Variants in PRSS53 observed in about 807,000 individuals in gnomAD.
The protein encoded by PRSS53 is EDTP308.
PRSS53 carries 54 observed loss-of-function variants against 62.7 expected under a neutral mutation model. The observed-to-expected ratio is 0.86, with a 90% CI of 0.69 to 1.08. The LOEUF is 1.08. Among genes scored for constraint, PRSS53 ranks in the 50% least tolerant of loss-of-function variants. PRSS53 has a pLI of 0.00. For synonymous variants in PRSS53, 273 were observed against 300.0 expected (o/e 0.91, Z 0.93); for missense variants, 688 against 728.3 (o/e 0.94, Z 0.64).
intron 1 of PRSS53, 148 bp from the exon 2 acceptor site, chr16:31,087,974 T>C (rs1192887499): frequency 1.2e-5 from 19 of 1,533,984 alleles, no homozygotes; most frequent in Non-Finnish European, 1.6e-5. Context: ...AAAATATTTA[T>C]ATGAGGCCGA....
chr16:31,084,150 C>T (rs1468339733), exon 10 of PRSS53: 1 of 1,593,264 alleles, frequency 6.3e-7, no homozygotes, highest in Non-Finnish European at 8.5e-7. Flanking sequence ...CAGGCTCAGC[C>T]TCGGGCTCTG....
chr16:31,085,755 C>G (rs746112642), intron 6 of PRSS53, among the ~76,000 whole-genome samples: 2 of 152,196 alleles, frequency 1.3e-5, no homozygotes, highest in African/African-American at 2.4e-5. Flanking sequence ...AGTCAGGTCT[C>G]AGAGATTCCT....
At chr16:31,087,257 A>G in intron 3 of PRSS53, 1 of 548,550 alleles carries the variant, frequency 1.8e-6, no homozygotes, top group Non-Finnish European at 3.2e-6. Context: ...GTGGCCTCCC[A>G]AAGGGCTGGG....
intron 3 of PRSS53, 156 bp from the exon 4 acceptor site, chr16:31,087,054 T>A: frequency 1.4e-6 from 1 of 739,994 alleles, no homozygotes; most frequent in Non-Finnish European, 2.1e-6. Context: ...TGCAGTGCAG[T>A]GGCATGACCA....
In PRSS53 at chr16:31,084,925, C is replaced by CT. The variant is rs766507982; in HGVS notation, c.1133dup (p.Tyr381LeufsTer27). ...GCAGGAGGGCCATGTCGTAGCCCCC[C>CT]TCAGGGTGGGTGTAGGCTCCATGCA... On this transcript the variant is annotated frameshift_variant, in exon 8 of 11. Transcript: ENST00000280606. LOFTEE classifies it high-confidence loss of function. The CT allele has an allele frequency of 4.1e-5, 63 of 1,544,466 alleles. No homozygotes were observed. Among genetic ancestry groups the CT allele is most frequent in the Non-Finnish European group, 5.3e-5 (61 of 1,143,578 alleles).
At chr16:31,083,512 A>G (rs2057192925) in exon 11 of PRSS53, 3 of 1,342,250 alleles carry the variant, frequency 2.2e-6, no homozygotes, top group Non-Finnish European at 1.9e-6. Flanking sequence ...TTTCAAAACA[A>G]CGTGGCTGGC....
At chr16:31,087,970 T>C (rs1016798348) in intron 1 of PRSS53, 144 bp from the exon 2 acceptor site, 5 of 1,537,944 alleles carry the variant, frequency 3.3e-6, no homozygotes, top group Admixed American at 4.0e-5. Context: ...AATGAAAATA[T>C]TTATATGAGG....
At chr16:31,087,815 C>G in exon 2 of PRSS53, 1 of 1,613,960 alleles carries the variant, frequency 6.2e-7, no homozygotes, top group Non-Finnish European at 8.5e-7. Context: ...CCACGCTGAG[C>G]GGCTTGAAGA....
exon 9 of PRSS53, chr16:31,084,594 C>T (rs772718387): frequency 6.2e-7 from 1 of 1,607,056 alleles, no homozygotes; most frequent in East Asian, 2.2e-5. Flanking sequence ...CACTGGTACA[C>T]ACCATCCCCG....
rs772183928 is a variant in PRSS53 at position 31,084,211 on chromosome 16, TAGGC to T, written c.1546_1549del (p.Ala516MetfsTer31). 4 of 1,611,442 alleles carry T rather than the reference TAGGC, an allele frequency of 2.5e-6. No individual in the cohort carries two copies. The highest frequency in any genetic ancestry group is 1.7e-5 in the Admixed American group (1 of 59,770). Reference sequence around the variant, plus strand: ...GTCCAAACTGCTGACCCAGTCCTCATAGGCAGGGAGCGCGGTGAAGACCGCCGGC... The same window carrying T: ...GTCCAAACTGCTGACCCAGTCCTCATAGGGAGCGCGGTGAAGACCGCCGGC... On this transcript the variant is annotated frameshift_variant, in exon 10 of 11. Coordinates refer to ENST00000280606, the Ensembl canonical transcript of PRSS53. LOFTEE classifies it high-confidence loss of function.
At position 31,083,764 on chromosome 16, in the gene PRSS53, T is replaced by C. The variant is rs1190227273; in HGVS notation, c.*26A>G. The C allele has an allele frequency of 3.1e-6, 5 of 1,614,056 alleles. No individual in the cohort carries two copies. In the East Asian group the frequency reaches 8.9e-5, roughly 29 times the overall value. ...TGCCATTTGCCTGCCTGCATTCTCT[T>C]GTCCTGAGAATGGCCAGGTCCCCTG... On this transcript the variant is annotated 3_prime_UTR_variant, in exon 11 of 11. Coordinates refer to ENST00000280606, the Ensembl canonical transcript of PRSS53.
exon 8 of PRSS53, chr16:31,084,998 A>G (rs2057217013): frequency 1.9e-6 from 3 of 1,583,816 alleles, no homozygotes; most frequent in African/African-American, 1.3e-5. Context: ...CCCCAGCCCT[A>G]CGCTCCATTC....
chr16:31,084,264 T>G lies in PRSS53; in HGVS notation c.1497A>C (p.Gly499=), dbSNP rs1567415023. The change falls in exon 10 of 11, where the codon GGA becomes GGC. Residue 499 remains glycine, a synonymous_variant. Transcript: ENST00000280606. ...GCCTGGCGGGGCCTTGGCAAGCATC[T>G]CCGAAGCTGTGCAGCCCGGCCAGGA... The G allele has an allele frequency of 1.9e-6, 3 of 1,612,486 alleles. No homozygotes were observed. The Admixed American group carries it at 5.0e-5, about 27-fold the overall frequency.
At position 31,084,638 on chromosome 16, in the gene PRSS53, C is replaced by T. The variant is rs780868168; in HGVS notation, c.1345G>A (p.Ala449Thr). 1.4e-5 allele frequency: 22 copies of T among 1,608,520 alleles called. No individual in the cohort carries two copies. The highest frequency in any genetic ancestry group is 1.8e-5 in the Non-Finnish European group (21 of 1,178,204). ...GGGCTGCCATCACCCCCAGGAGCTG[C>T]ATGCAGCCGGCTGCAGGCCCTAGGC... The change falls in exon 9 of 11, where the codon GCA becomes ACA. Residue 449 changes from alanine to threonine, a missense_variant. Transcript: ENST00000280606.
exon 1 of PRSS53, chr16:31,088,918 C>A: frequency 6.5e-7 from 1 of 1,535,366 alleles, no homozygotes; most frequent in Non-Finnish European, 8.8e-7. Flanking sequence ...CAGCTGTCTG[C>A]TTGCCCTAGC....
chr16:31,087,493 C>A (rs1203240304), intron 3 of PRSS53, 44 bp downstream of exon 3: 1 of 1,497,502 alleles, frequency 6.7e-7, no homozygotes, highest in African/African-American at 1.4e-5. Context: ...AAATTGTCCA[C>A]TCCCCAGAGC....
chr16:31,085,398 C>A lies in PRSS53; in HGVS notation c.884-138G>T, dbSNP rs1197783636. Reference sequence around the variant, plus strand: ...CCAAAGTTCCAGAGAGGTTAAGAGACTTCCTTGCTCTGTAACTACAGGCAA... The same window carrying A: ...CCAAAGTTCCAGAGAGGTTAAGAGAATTCCTTGCTCTGTAACTACAGGCAA... On this transcript the variant is annotated intron_variant, in intron 6 of 10. Coordinates refer to ENST00000280606, the Ensembl canonical transcript of PRSS53. 1.0e-5 allele frequency: 11 copies of A among 1,051,508 alleles called. No homozygotes were observed. In the East Asian group the frequency reaches 3.0e-4, roughly 29 times the overall value. 65.1% of individuals were successfully genotyped at this position (1,051,508 alleles called of 1,614,324 possible). A position where few individuals can be genotyped will look rare whatever the true frequency, so the allele number is the denominator to read the frequency against.
chr16:31,084,876 C>A lies in PRSS53; in HGVS notation c.1183G>T (p.Gly395Ter). The change falls in exon 8 of 11, where the codon GGA becomes TGA. Residue 395 changes from glycine to a stop codon, truncating the protein, a stop_gained. Transcript: ENST00000280606. LOFTEE classifies it high-confidence loss of function. The stretch of plus-strand genomic sequence containing the variant: ...AGGCAGAGGGGCCGCAGGCTGGCTC[C>A]CAGTGTCACAGGCTGGGCCAGCAGC... 1 of 1,547,956 alleles carries A rather than the reference C, an allele frequency of 6.5e-7. No homozygotes were observed. Among genetic ancestry groups the A allele is most frequent in the Non-Finnish European group, 8.7e-7 (1 of 1,145,066 alleles).
chr16:31,088,158 G>A, intron 1 of PRSS53: 1 of 1,300,904 alleles, frequency 7.7e-7, no homozygotes, highest in South Asian at 1.6e-5. Flanking sequence ...GCCTGTGTGT[G>A]TAGAGAGCAT....
Sources: allele counts gnomAD v4.1 joint callset (sites outside exome capture counted in the v4.1 genomes callset), GRCh38; gene constraint gnomAD v4.1.1; transcripts MANE v1.5; gene names NCBI Gene and HGNC (gene_info 2026-07-23, HGNC 2026-07-21).